Variants in CPSF2 observed in about 807,000 individuals in gnomAD.
CPSF2 encodes cleavage and polyadenylation specific factor 2.
A neutral mutation model predicts 84.2 loss-of-function variants in CPSF2; 51 were observed. The ratio of observed to expected loss-of-function variants is 0.61; its 90% CI spans 0.48 to 0.77. The LOEUF (loss-of-function observed/expected upper bound fraction) is 0.77. Ranked by LOEUF, CPSF2 falls within the 30% of genes least tolerant of loss-of-function variation. CPSF2 has a pLI of 0.00. For missense variants in CPSF2, 641 were observed against 929.4 expected (o/e 0.69, Z 4.03); for synonymous variants, 286 against 311.9 (o/e 0.92, Z 0.87).
At chr14:92,153,895 A>G (rs2069254322) in intron 9 of CPSF2, 2 of 143,692 alleles carry the variant, frequency 1.4e-5, no homozygotes, top group South Asian at 2.3e-4. Flanking sequence ...TTATGTGGAG[A>G]CAAAGTCTCA....
intron 8 of CPSF2, 74 bp from the exon 9 acceptor site, chr14:92,142,930 C>T (rs2069096637): frequency 7.8e-7 from 1 of 1,276,336 alleles, no homozygotes; most frequent in Non-Finnish European, 1.1e-6. Context: ...AACTTGAATT[C>T]CTTGACTATT....
chr14:92,136,612 G>A (rs2069002678), intron 6 of CPSF2, among the ~76,000 whole-genome samples: 1 of 152,114 alleles, frequency 6.6e-6, no homozygotes, highest in East Asian at 1.9e-4. Flanking sequence ...AATATGAAGG[G>A]CTGTAGAAGC....
intron 6 of CPSF2, among the ~76,000 whole-genome samples, chr14:92,136,373 C>T (rs2068999017): frequency 6.6e-6 from 1 of 152,154 alleles, no homozygotes; most frequent in Admixed American, 6.5e-5. Flanking sequence ...CAGTATACCA[C>T]TGGAGGCTAT....
intron 7 of CPSF2, among the ~76,000 whole-genome samples, chr14:92,139,103 C>G (rs1016799381): frequency 6.6e-6 from 1 of 152,098 alleles, no homozygotes; most frequent in Admixed American, 6.6e-5. Context: ...TCGTACAAAT[C>G]TATTAGAAAA....
chr14:92,134,367 T>C lies in CPSF2; in HGVS notation c.415+12T>C. 1 of 1,548,636 alleles carries C rather than the reference T, an allele frequency of 6.5e-7. No homozygotes were observed. The highest frequency in any genetic ancestry group is 8.9e-7 in the Non-Finnish European group (1 of 1,124,382). On this transcript the variant is annotated intron_variant, in intron 5 of 15. Transcript: ENST00000298875. ...TGTGAATTTGAAAGGTAAAAAGAAT[T>C]TCCAGTAGTAAGTATTTAGATGAAT...
chr14:92,130,961 C>T lies in CPSF2; in HGVS notation c.-24C>T. 1 of 1,602,490 alleles carries T rather than the reference C, an allele frequency of 6.2e-7. No homozygotes were observed. The highest frequency in any genetic ancestry group is 8.5e-7 in the Non-Finnish European group (1 of 1,174,944). On this transcript the variant is annotated 5_prime_UTR_variant, in exon 3 of 16. Coordinates refer to ENST00000298875, the MANE Select transcript of CPSF2 (RefSeq NM_017437.3). ...CATTTCATTTGAAAGACTCTTCTAG[C>T]TTGCTGTTTCTGGACCAAAAAAAAT...
chr14:92,125,886 A>G (rs1044035185), intron 1 of CPSF2, among the ~76,000 whole-genome samples: 7 of 152,146 alleles, frequency 4.6e-5, no homozygotes, highest in African/African-American at 1.7e-4. Flanking sequence ...TCAATAACAT[A>G]AGGTAATGTC....
In CPSF2 at chr14:92,171,119, A is replaced by G. The variant is rs1309114864; in HGVS notation, c.*9375A>G. On this transcript the variant is annotated 3_prime_UTR_variant, in exon 16 of 16. Transcript: ENST00000298875. ...TCTGGATCAGTTATTGCCAAATGGT[A>G]GTTTTCTTTTCTTTTCTTTTCTTTT... is the stretch of plus-strand genomic sequence containing the variant. 2 of 151,812 alleles carry G rather than the reference A, an allele frequency of 1.3e-5. No individual in the cohort carries two copies. The allele number at this position is 151,812 out of a possible 1,614,324, so 9.4% of individuals were successfully genotyped here.
In CPSF2 at chr14:92,159,198, GA is replaced by G. The variant is rs1461294151; in HGVS notation, c.2041del (p.Ser681ValfsTer36). ...GCGTTATAGCACAACAAAAGGCCAT[GA>G]AAAGTCTGTTCGGAGATGATGAAAA... ...SSVIAQQKAM[K>X]SLFGDDEKET... is the part of the protein sequence containing the mutation. On this transcript the variant is annotated frameshift_variant, in exon 14 of 16. Coordinates refer to ENST00000298875, the MANE Select transcript of CPSF2 (RefSeq NM_017437.3). LOFTEE classifies it high-confidence loss of function. The G allele has an allele frequency of 6.2e-7, 1 of 1,613,952 alleles. No homozygotes were observed. The highest frequency in any genetic ancestry group is 1.3e-5 in the African/African-American group (1 of 74,918).
At position 92,135,437 on chromosome 14, in the gene CPSF2, A is replaced by G. The variant is rs202153810; in HGVS notation, c.486A>G (p.Ile162Met). ...GHMIGGTIWK[I>M]VKDGEEEIVY... ...TGATAGGTGGAACAATATGGAAAAT[A>G]GTCAAAGATGGAGAAGAAGAAATTG... The change falls in exon 6 of 16, where the codon ATA becomes ATG. Residue 162 changes from isoleucine to methionine, a missense_variant. Physicochemically the swap from Ile to Met is conservative, Grantham distance 10 (BLOSUM62 1). Around this residue, in one of 2 missense-constraint regions of CPSF2, gnomAD observed 211 missense variants for 375.7 expected, o/e 0.56. Coordinates refer to ENST00000298875, the MANE Select transcript of CPSF2 (RefSeq NM_017437.3). 1.2e-6 allele frequency: 2 copies of G among 1,613,634 alleles called. No homozygotes were observed. Among genetic ancestry groups the G allele is most frequent in the East Asian group, 2.2e-5 (1 of 44,842 alleles).
At chr14:92,139,623 T>TG (rs2069048277) in intron 7 of CPSF2, among the ~76,000 whole-genome samples, 1 of 149,528 alleles carries the variant, frequency 6.7e-6, no homozygotes. Context: ...ACTGCAACCT[T>TG]CACTTCCCGG....
At chr14:92,133,217 CG>C (rs1186660517) in intron 3 of CPSF2, among the ~76,000 whole-genome samples, 1 of 151,970 alleles carries the variant, frequency 6.6e-6, no homozygotes, top group Admixed American at 6.6e-5. Flanking sequence ...GTTGGGAGTT[CG>C]AGACCACCCT....
chr14:92,128,285 C>T (rs2068868051), intron 2 of CPSF2, among the ~76,000 whole-genome samples: 1 of 151,604 alleles, frequency 6.6e-6, no homozygotes, highest in South Asian at 2.1e-4. Flanking sequence ...GTCAAGAGAT[C>T]GAGACTATTG....
At chr14:92,140,177 C>T (rs1007823722) in intron 7 of CPSF2, among the ~76,000 whole-genome samples, 1 of 151,814 alleles carries the variant, frequency 6.6e-6, no homozygotes, top group Non-Finnish European at 1.5e-5. Context: ...TGGTCTTGAT[C>T]TCTTGACCTT....
intron 9 of CPSF2, among the ~76,000 whole-genome samples, chr14:92,153,501 CT>C (rs2069247665): frequency 6.6e-6 from 1 of 152,024 alleles, no homozygotes; most frequent in East Asian, 1.9e-4. Context: ...CCCATTATGG[CT>C]TTTGGGCCTC....
At chr14:92,132,475 A>G (rs1270974822) in intron 3 of CPSF2, among the ~76,000 whole-genome samples, 2 of 151,926 alleles carry the variant, frequency 1.3e-5, no homozygotes, top group African/African-American at 2.4e-5. Context: ...TCTTGAACTT[A>G]AATTAATAGT....
intron 6 of CPSF2, among the ~76,000 whole-genome samples, chr14:92,137,747 T>C (rs1433131402): frequency 6.6e-6 from 1 of 152,104 alleles, no homozygotes; most frequent in Non-Finnish European, 1.5e-5. Flanking sequence ...GACCGAAATA[T>C]CAGTAAAGGG....
chr14:92,136,474 C>G (rs922568780), intron 6 of CPSF2, among the ~76,000 whole-genome samples: 4 of 152,160 alleles, frequency 2.6e-5, no homozygotes, highest in Non-Finnish European at 5.9e-5. Flanking sequence ...TGAGGGCAGT[C>G]AGGCCTCAGG....
Position 92,159,063 on chromosome 14 carries a change from C to G in CPSF2, c.1902C>G (p.Val634=), listed in dbSNP as rs771224711. Residue 634 remains valine (V), a synonymous_variant, in exon 14 of 16, where the codon GTC becomes GTG. Transcript: ENST00000298875. ...KDAELAWIDG[V]LDMRVSKVDT... is the part of the protein sequence containing the mutation. ...CTGAATTAGCTTGGATAGATGGTGTCTTAGATATGAGAGTTTCCAAAGTGG... is the reference window on the plus strand; with the variant it reads ...CTGAATTAGCTTGGATAGATGGTGTGTTAGATATGAGAGTTTCCAAAGTGG... The G allele has an allele frequency of 1.9e-6, 3 of 1,613,820 alleles. No individual in the cohort carries two copies. Among genetic ancestry groups the G allele is most frequent in the Non-Finnish European group, 2.5e-6 (3 of 1,179,924 alleles).
Sources: allele counts gnomAD v4.1 joint callset (sites outside exome capture counted in the v4.1 genomes callset), GRCh38; gene constraint gnomAD v4.1.1; regional missense constraint gnomAD v4.1.1; transcripts MANE v1.5; gene names NCBI Gene and HGNC (gene_info 2026-07-23, HGNC 2026-07-21).